The following TANK variants were observed in gnomAD, a reference collection of about 807,000 sequenced individuals.
The protein encoded by TANK is TRAF family member associated NFKB activator.
In TANK, 15 loss-of-function variants were observed where a neutral mutation model predicts 43.6. The ratio of observed to expected loss-of-function variants is 0.34; its 90% CI spans 0.23 to 0.53. TANK has a LOEUF of 0.53. Ranked by LOEUF, TANK falls within the 20% of genes least tolerant of loss-of-function variation. The pLI is 0.94. For missense variants in TANK, 417 were observed against 498.6 expected (o/e 0.84, Z 1.56); for synonymous variants, 162 against 178.2 (o/e 0.91, Z 0.73).
At chr2:161,216,507 T>C (rs1687122902) in intron 4 of TANK, 1 of 433,466 alleles carries the variant, frequency 2.3e-6, no homozygotes. Context: ...ACTTTTTTTC[T>C]TTTTGATAAA....
intron 1 of TANK, among the ~76,000 whole-genome samples, chr2:161,172,832 T>C (rs1416491385): frequency 6.6e-6 from 1 of 152,202 alleles, no homozygotes; most frequent in African/African-American, 2.4e-5. Flanking sequence ...GATTCTACTC[T>C]TGAAATGCCT....
chr2:161,191,420 C>T (rs539771634), intron 2 of TANK, among the ~76,000 whole-genome samples: 50 of 152,220 alleles, frequency 3.3e-4, no homozygotes, highest in African/African-American at 1.0e-3. Flanking sequence ...TTCAAAAATG[C>T]AAGCATGCTA....
At chr2:161,219,570 A>G (rs1687253324) in intron 4 of TANK, among the ~76,000 whole-genome samples, 1 of 152,140 alleles carries the variant, frequency 6.6e-6, no homozygotes, top group Non-Finnish European at 1.5e-5. Flanking sequence ...TAAATACAAT[A>G]TTCTATTTTT....
intron 2 of TANK, among the ~76,000 whole-genome samples, chr2:161,182,375 A>G (rs911242978): frequency 2.0e-5 from 3 of 152,124 alleles, no homozygotes; most frequent in African/African-American, 2.4e-5. Flanking sequence ...CAGAACTTCT[A>G]ACCAACTAGT....
At chr2:161,184,520 T>A (rs1400976938) in intron 2 of TANK, among the ~76,000 whole-genome samples, 1 of 152,142 alleles carries the variant, frequency 6.6e-6, no homozygotes, top group Non-Finnish European at 1.5e-5. Context: ...CTCAATTTTT[T>A]AAAAAAGTGA....
At chr2:161,169,527 A>G (rs1011074403) in intron 1 of TANK, among the ~76,000 whole-genome samples, 1 of 152,200 alleles carries the variant, frequency 6.6e-6, no homozygotes, top group Non-Finnish European at 1.5e-5. Flanking sequence ...TAATGAAGAG[A>G]CAAAAACTGA....
At chr2:161,218,812 C>T (rs1034419645) in intron 4 of TANK, among the ~76,000 whole-genome samples, 3 of 152,086 alleles carry the variant, frequency 2.0e-5, no homozygotes, top group Admixed American at 6.6e-5. Context: ...CAAATCAGTT[C>T]ATTTTTTCTT....
At chr2:161,138,927 T>A (rs1174974551) in intron 1 of TANK, among the ~76,000 whole-genome samples, 1 of 152,204 alleles carries the variant, frequency 6.6e-6, no homozygotes, top group Non-Finnish European at 1.5e-5. Context: ...ACATAGAAGT[T>A]CTTTATTTAT....
At chr2:161,180,525 T>G (rs1685370075) in intron 2 of TANK, among the ~76,000 whole-genome samples, 1 of 152,198 alleles carries the variant, frequency 6.6e-6, no homozygotes, top group Non-Finnish European at 1.5e-5. Flanking sequence ...TATTCTGATG[T>G]TATGTTCCAT....
At position 161,224,633 on chromosome 2, in the gene TANK, G is replaced by A. The variant is rs748446048; in HGVS notation, c.407G>A (p.Gly136Asp). The change falls in exon 6 of 8, where the codon GGT becomes GAT. Residue 136 changes from glycine to aspartate, a missense_variant and splice_region_variant. Transcript: ENST00000392749. ...AAAATGTTGATTTTTTTTTTTAGGG[G>A]TAATATAGAGAAGACTTTCTGGGAT... ...SLGSPLLHER[G>D]NIEKTFWDLK... 1.9e-5 allele frequency: 28 copies of A among 1,490,078 alleles called. No homozygotes were observed. The highest frequency in any genetic ancestry group is 2.6e-5 in the Non-Finnish European group (28 of 1,096,440). The allele number at this position is 1,490,078 out of a possible 1,614,324, so 92.3% of individuals were successfully genotyped here.
intron 4 of TANK, chr2:161,212,594 C>G (rs1475878019): frequency 1.0e-6 from 1 of 985,164 alleles, no homozygotes; most frequent in East Asian, 1.1e-4. Context: ...GATATGTCAC[C>G]TTCTAAATTG....
intron 1 of TANK, 23 bp downstream of exon 1, chr2:161,160,509 T>C (rs1397209958): frequency 2.4e-6 from 3 of 1,258,450 alleles, no homozygotes; most frequent in Non-Finnish European, 3.0e-6. Context: ...CTTTGTGAAT[T>C]GGTGTGTCCG....
chr2:161,223,193 C>G (rs1026685750), intron 4 of TANK: 1 of 151,972 alleles, frequency 6.6e-6, no homozygotes, highest in Non-Finnish European at 1.5e-5. Context: ...AGTTTATAAG[C>G]TTTAGAAAGT....
rs550509713 is a variant in TANK at position 161,166,920 on chromosome 2, A to G, written c.-50+6434A>G. Among the ~76,000 whole-genome samples the G allele has an allele frequency of 2.5e-4, 38 of 152,352 alleles. No individual in the cohort carries two copies. In the South Asian group the frequency reaches 2.7e-3, roughly 11 times the overall value. ...ATGAACTCCTCTTATTCATAGCCCA[A>G]GGGGTTGGGAAAGGCTGGTGGCTTT... On this transcript the variant is annotated intron_variant, in intron 1 of 7. Coordinates refer to ENST00000392749, the MANE Select transcript of TANK (RefSeq NM_001199135.3).
At chr2:161,139,766 A>T in intron 1 of TANK, 4 of 985,446 alleles carry the variant, frequency 4.1e-6, no homozygotes, top group Non-Finnish European at 1.2e-6. Context: ...ACAATGTGAC[A>T]TAAGCCAAGT....
At chr2:161,210,942 A>G (rs1356355288) in intron 4 of TANK, among the ~76,000 whole-genome samples, 9 of 152,222 alleles carry the variant, frequency 5.9e-5, no homozygotes, top group Non-Finnish European at 1.3e-4. Context: ...ATTTCTAGAC[A>G]AGAGCCAGAA....
intron 4 of TANK, among the ~76,000 whole-genome samples, chr2:161,221,076 C>G (rs1203360207): frequency 6.6e-6 from 1 of 152,176 alleles, no homozygotes; most frequent in Middle Eastern, 3.2e-3. Context: ...CATCTTCCAA[C>G]TGTTTCAGAT....
At chr2:161,143,251 A>C (rs1046742849) in intron 1 of TANK, among the ~76,000 whole-genome samples, 4 of 151,942 alleles carry the variant, frequency 2.6e-5, no homozygotes, top group African/African-American at 9.7e-5. Context: ...CTAAATATAG[A>C]CTCATATCAT....
intron 2 of TANK, among the ~76,000 whole-genome samples, chr2:161,182,633 G>A (rs1199955031): frequency 2.0e-5 from 3 of 152,098 alleles, no homozygotes; most frequent in African/African-American, 7.2e-5. Context: ...TCATCTTTCT[G>A]TCAACCTTCA....
Sources: allele counts gnomAD v4.1 joint callset (sites outside exome capture counted in the v4.1 genomes callset), GRCh38; gene constraint gnomAD v4.1.1; transcripts MANE v1.5; gene names NCBI Gene and HGNC (gene_info 2026-07-23, HGNC 2026-07-21).